MACROD2: variants seen among roughly 807,000 people sequenced by gnomAD.
The protein encoded by MACROD2 is ADP-ribose glycohydrolase MACROD2.
A neutral mutation model predicts 70.4 loss-of-function variants in MACROD2; 36 were observed. The ratio of observed to expected loss-of-function variants is 0.51; its 90% CI spans 0.39 to 0.68. MACROD2 has a LOEUF of 0.68. Ranked by LOEUF, MACROD2 falls within the 30% of genes least tolerant of loss-of-function variation. The pLI, the probability that MACROD2 is intolerant of heterozygous loss-of-function variation, is 0.00. For missense variants in MACROD2, 496 were observed against 538.4 expected (o/e 0.92, Z 0.78); for synonymous variants, 172 against 178.8 (o/e 0.96, Z 0.30).
intron 8 of MACROD2, among the ~76,000 whole-genome samples, chr20:15,587,810 G>A (rs867904350): frequency 7.9e-5 from 12 of 152,204 alleles, no homozygotes; most frequent in Admixed American, 2.0e-4. Flanking sequence ...TGTCCCTGTC[G>A]CTTTGCAGGG....
At chr20:14,433,835 G>A (rs557474644) in intron 3 of MACROD2, among the ~76,000 whole-genome samples, 1 of 152,026 alleles carries the variant, frequency 6.6e-6, no homozygotes, top group African/African-American at 2.4e-5. Context: ...AATTCCCAGA[G>A]GATTTAAAAT....
chr20:14,757,186 T>C (rs2071952329), intron 5 of MACROD2, among the ~76,000 whole-genome samples: 1 of 152,112 alleles, frequency 6.6e-6, no homozygotes, highest in Admixed American at 6.5e-5. Context: ...TCATTTGTTA[T>C]CCTAACATAA....
rs924648607 is a variant in MACROD2 at position 15,827,212 on chromosome 20, C to T, written c.646-35533C>T. ...TAGTACTTCAGTGAATGTCACTTGA[C>T]TGCAGACTCATTTTTCTAATTTTTC... On this transcript the variant is annotated intron_variant, in intron 8 of 17. Coordinates refer to ENST00000684519, the MANE Select transcript of MACROD2 (RefSeq NM_001351661.2). 4.6e-5 allele frequency among the ~76,000 whole-genome samples: 7 copies of T among 152,242 alleles called. No individual in the cohort carries two copies. The South Asian group carries it at 1.0e-3, about 23-fold the overall frequency.
intron 5 of MACROD2, among the ~76,000 whole-genome samples, chr20:15,158,059 G>A (rs1315137264): frequency 1.3e-5 from 2 of 152,068 alleles, no homozygotes; most frequent in African/African-American, 2.4e-5. Context: ...AACACATAAT[G>A]TGTAGTTCCC....
In MACROD2 at chr20:14,327,268, T is replaced by C. The variant is rs751497366; in HGVS notation, c.272-166211T>C. On this transcript the variant is annotated intron_variant, in intron 3 of 17. Transcript: ENST00000684519. ...TATTCTTTCTACTTTCAGCAAGTTT[T>C]TCAAATCTGAAGGAATCCCAGCATT... The C allele has an allele frequency of 2.6e-5, 42 of 1,613,742 alleles. No individual in the cohort carries two copies. The highest frequency in any genetic ancestry group is 3.5e-5 in the Non-Finnish European group (41 of 1,179,792).
chr20:15,901,939 G>A (rs1419777710), intron 10 of MACROD2, among the ~76,000 whole-genome samples: 1 of 152,156 alleles, frequency 6.6e-6, no homozygotes, highest in Non-Finnish European at 1.5e-5. Flanking sequence ...CTGAGGCTGG[G>A]CTATTCTTAC....
chr20:14,439,775 C>A (rs2084100931), intron 3 of MACROD2, among the ~76,000 whole-genome samples: 1 of 152,086 alleles, frequency 6.6e-6, no homozygotes, highest in Non-Finnish European at 1.5e-5. Context: ...ATAGAAAGAA[C>A]TGAATAAGTA....
intron 5 of MACROD2, among the ~76,000 whole-genome samples, chr20:14,907,446 C>T (rs2122576751): frequency 6.6e-6 from 1 of 152,300 alleles, no homozygotes; most frequent in Non-Finnish European, 1.5e-5. Context: ...AATTTGGGGG[C>T]TTGCCTGCAC....
chr20:15,159,479 C>T (rs1386214871), intron 5 of MACROD2, among the ~76,000 whole-genome samples: 1 of 152,050 alleles, frequency 6.6e-6, no homozygotes, highest in Admixed American at 6.6e-5. Flanking sequence ...TTGAAATATA[C>T]TCTTTGACAG....
In MACROD2 at chr20:14,236,433, T is replaced by C. The variant is rs561889914; in HGVS notation, c.271+150705T>C. Among the ~76,000 whole-genome samples the C allele has an allele frequency of 1.1e-4, 17 of 152,174 alleles. No homozygotes were observed. In the East Asian group the frequency reaches 3.3e-3, roughly 29 times the overall value. The stretch of plus-strand genomic sequence containing the variant: ...GAAGACAAAGCAAATAAAAATACTT[T>C]TATACTCTTCGCTTAATACCTTGTA... On this transcript the variant is annotated intron_variant, in intron 3 of 17. Coordinates refer to ENST00000684519, the MANE Select transcript of MACROD2 (RefSeq NM_001351661.2).
intron 8 of MACROD2, 45 bp downstream of exon 8, chr20:15,499,892 T>A (rs779516887): frequency 6.3e-7 from 1 of 1,581,794 alleles, no homozygotes; most frequent in African/African-American, 1.3e-5. Context: ...ATGATGTAAT[T>A]TGATGCTCAG....
intron 5 of MACROD2, among the ~76,000 whole-genome samples, chr20:15,123,167 T>G (rs572137850): frequency 7.2e-5 from 11 of 152,156 alleles, no homozygotes; most frequent in Non-Finnish European, 1.3e-4. Flanking sequence ...GGGCTCATAG[T>G]TGAAGAGATT....
At chr20:14,695,102 T>C (rs1040371995) in intron 5 of MACROD2, among the ~76,000 whole-genome samples, 1 of 152,110 alleles carries the variant, frequency 6.6e-6, no homozygotes, top group African/African-American at 2.4e-5. Flanking sequence ...TGTAACAAAT[T>C]ACCACAACTT....
chr20:14,856,534 T>C (rs1309359799), intron 5 of MACROD2, among the ~76,000 whole-genome samples: 1 of 152,190 alleles, frequency 6.6e-6, no homozygotes, highest in African/African-American at 2.4e-5. Flanking sequence ...AAAATGAAAG[T>C]GTGAATAACA....
chr20:15,205,269 C>T (rs1053385432), intron 5 of MACROD2, among the ~76,000 whole-genome samples: 1 of 152,150 alleles, frequency 6.6e-6, no homozygotes, highest in Non-Finnish European at 1.5e-5. Flanking sequence ...TATGGCATGA[C>T]TCAGTCAAAT....
chr20:14,006,088 T>C (rs746861699), intron 2 of MACROD2, among the ~76,000 whole-genome samples: 15 of 152,192 alleles, frequency 9.9e-5, no homozygotes, highest in Admixed American at 5.2e-4. Flanking sequence ...TGACTTACCA[T>C]TGTGTTATAG....
intron 3 of MACROD2, among the ~76,000 whole-genome samples, chr20:14,294,627 A>G (rs1177862264): frequency 3.3e-5 from 5 of 151,856 alleles, no homozygotes; most frequent in African/African-American, 1.2e-4. Context: ...AAAATTAGCT[A>G]CGGCATAACG....
chr20:15,634,638 C>T (rs1216394490), intron 8 of MACROD2, among the ~76,000 whole-genome samples: 2 of 152,182 alleles, frequency 1.3e-5, no homozygotes, highest in Non-Finnish European at 2.9e-5. Flanking sequence ...AGACCATCCC[C>T]ATGGCTGTGG....
chr20:15,544,707 G>A (rs1332764629), intron 8 of MACROD2, among the ~76,000 whole-genome samples: 1 of 152,192 alleles, frequency 6.6e-6, no homozygotes, highest in East Asian at 1.9e-4. Context: ...TTAGGGCAGA[G>A]CTATGTTTTA....
Sources: allele counts gnomAD v4.1 joint callset (sites outside exome capture counted in the v4.1 genomes callset), GRCh38; gene constraint gnomAD v4.1.1; transcripts MANE v1.5; gene names NCBI Gene and HGNC (gene_info 2026-07-23, HGNC 2026-07-21).